Variants in EML1 observed in about 807,000 individuals in gnomAD.
The protein encoded by EML1 is EMAP like 1, also known as echinoderm microtubule-associated protein-like 1.
EML1 carries 27 observed loss-of-function variants against 110.4 expected under a neutral mutation model. The ratio of observed to expected loss-of-function variants is 0.24; its 90% CI spans 0.18 to 0.34. EML1 has a LOEUF of 0.34. Among genes scored for constraint, EML1 ranks in the 10% least tolerant of loss-of-function variants. EML1 has a pLI of 1.00. For synonymous variants in EML1, 344 were observed against 385.8 expected, an observed-to-expected ratio of 0.89 and a Z score of 1.27; for missense variants, 741 against 1,030.9, an observed-to-expected ratio of 0.72 and a Z score of 3.85.
intron 3 of EML1, among the ~76,000 whole-genome samples, chr14:99,875,943 C>T (rs2059283851): frequency 1.3e-5 from 2 of 152,208 alleles, no homozygotes; most frequent in South Asian, 4.1e-4. Context: ...CTGGCACTGT[C>T]CACTCAGGGG....
intron 4 of EML1, among the ~76,000 whole-genome samples, chr14:99,881,633 G>A (rs1216687238): frequency 3.5e-5 from 5 of 144,030 alleles, no homozygotes; most frequent in African/African-American, 1.3e-4. Context: ...ATGGAGTCTC[G>A]CTCTGTCACC....
intron 4 of EML1, among the ~76,000 whole-genome samples, chr14:99,890,958 T>C (rs2059577161): frequency 6.6e-6 from 1 of 152,216 alleles, no homozygotes; most frequent in Non-Finnish European, 1.5e-5. Context: ...CTTGCAGTCA[T>C]AAAAAGCACA....
intron 1 of EML1, 67 bp from the exon 2 acceptor site, chr14:99,850,786 A>AGG: frequency 6.5e-7 from 1 of 1,534,054 alleles, no homozygotes; most frequent in South Asian, 1.2e-5. Context: ...CATGCTAGAT[A>AGG]GAGTATGTTT....
intron 1 of EML1, among the ~76,000 whole-genome samples, chr14:99,739,183 C>A (rs1254688770): frequency 1.3e-5 from 2 of 149,964 alleles, no homozygotes; most frequent in Non-Finnish European, 3.0e-5. Context: ...ACAGAAGGGG[C>A]CTGACCTCAC....
chr14:99,907,142 G>A (rs1418951614), intron 9 of EML1: 3 of 153,362 alleles, frequency 2.0e-5, no homozygotes, highest in African/African-American at 7.2e-5. Context: ...TGCTCTTTCT[G>A]TCTGGTCAAG....
chr14:99,858,677 C>T (rs1284177726), intron 2 of EML1, among the ~76,000 whole-genome samples: 1 of 152,162 alleles, frequency 6.6e-6, no homozygotes, highest in Non-Finnish European at 1.5e-5. Flanking sequence ...TCAGAGGATA[C>T]GTGCACCTGT....
At position 99,819,777 on chromosome 14, in the gene EML1, C is replaced by G. The variant is rs556364961; in HGVS notation, c.67+26234C>G. On this transcript the variant is annotated intron_variant, in intron 1 of 21. Transcript: ENST00000262233. Reference sequence around the variant, plus strand: ...GCAACAGGAGCCCAGCCTCTCGCACCGAGCATCCCTCAGTGAAGCGCCCAG... The same window carrying G: ...GCAACAGGAGCCCAGCCTCTCGCACGGAGCATCCCTCAGTGAAGCGCCCAG... Among the ~76,000 whole-genome samples, 6 of 152,298 alleles carry G rather than the reference C, an allele frequency of 3.9e-5. No individual in the cohort carries two copies. The East Asian group carries it at 5.8e-4, about 15-fold the overall frequency.
chr14:99,875,060 T>C (rs2059267297), intron 3 of EML1: 1 of 1,463,258 alleles, frequency 6.8e-7, no homozygotes, highest in East Asian at 2.3e-5. Context: ...TTTAACGTAG[T>C]AGCTTCAAGG....
At chr14:99,771,076 G>T (rs572019905), upstream of EML1, among the ~76,000 whole-genome samples, 3 of 152,194 alleles carry the variant, frequency 2.0e-5, no homozygotes, top group South Asian at 4.2e-4. Flanking sequence ...GAGCCACCGC[G>T]CCCGGCCTCC....
upstream of EML1, chr14:99,792,853 G>A (rs1156347493): frequency 6.6e-6 from 1 of 152,324 alleles, no homozygotes; most frequent in Non-Finnish European, 1.5e-5. Flanking sequence ...AGAGGAACGC[G>A]CCGGTCGGAT....
rs565177759 is a variant in EML1, at chr14:99,851,217, G to T, written c.250+182G>T. ...TGATAGTATTTTGGGGCTTGATGTT[G>T]GTGAATTGTACAGCCCAGTGATGTA... is the stretch of plus-strand genomic sequence containing the variant. On this transcript the variant is annotated intron_variant, in intron 2 of 21. Coordinates refer to ENST00000262233, the MANE Select transcript of EML1 (RefSeq NM_004434.3). 4.6e-5 allele frequency among the ~76,000 whole-genome samples: 7 copies of T among 152,270 alleles called. No homozygotes were observed. In the East Asian group the frequency reaches 1.3e-3, roughly 29 times the overall value.
intron 6 of EML1, among the ~76,000 whole-genome samples, chr14:99,896,029 A>G (rs1243723147): frequency 6.6e-6 from 1 of 152,186 alleles, no homozygotes; most frequent in Admixed American, 6.5e-5. Context: ...CTTCCAGGGG[A>G]AAAAACAACT....
intron 4 of EML1, among the ~76,000 whole-genome samples, chr14:99,889,964 C>T (rs1182248235): frequency 6.6e-6 from 1 of 152,150 alleles, no homozygotes; most frequent in African/African-American, 2.4e-5. Context: ...TACCACCCCA[C>T]CCCATGTGCT....
At chr14:99,765,534 G>A (rs1334054294) in intron 1 of EML1, among the ~76,000 whole-genome samples, 3 of 152,012 alleles carry the variant, frequency 2.0e-5, no homozygotes, top group East Asian at 1.9e-4. Flanking sequence ...AGGTTCCTCC[G>A]TGTTGTAACG....
In EML1 at chr14:99,781,055, T is replaced by G. The variant is rs548195977; in HGVS notation, c.-27+7042T>G. On this transcript the variant is annotated intron_variant, in intron 1 of 22. Coordinates refer to the EML1 transcript ENST00000327921. This position sits in a 1 kb window ranked among gnomAD's most constrained non-coding sequence, Gnocchi z 4.2. ...CCTTCCTCTCCCGGGTGATGAAGCATCTCTCCTTCTTTCCAAGGACACGCG... is the reference window on the plus strand; with the variant it reads ...CCTTCCTCTCCCGGGTGATGAAGCAGCTCTCCTTCTTTCCAAGGACACGCG... Among the ~76,000 whole-genome samples, 1 of 152,108 alleles carries G rather than the reference T, an allele frequency of 6.6e-6. No individual in the cohort carries two copies. Among genetic ancestry groups the G allele is most frequent in the Non-Finnish European group, 1.5e-5 (1 of 68,026 alleles).
intron 1 of EML1, among the ~76,000 whole-genome samples, chr14:99,802,663 G>A (rs181916619): frequency 3.3e-4 from 50 of 152,192 alleles, no homozygotes; most frequent in Non-Finnish European, 5.7e-4. Flanking sequence ...TCCAGGCCAC[G>A]GGGGAGGTGG....
chr14:99,853,517 G>A (rs567884442), intron 2 of EML1, among the ~76,000 whole-genome samples: 64 of 152,276 alleles, frequency 4.2e-4, no homozygotes, highest in African/African-American at 1.4e-3. Context: ...CTTTAGAGCT[G>A]GCTCTCTGTG....
chr14:99,912,626 A>G (rs1454126790), intron 13 of EML1, among the ~76,000 whole-genome samples: 1 of 152,186 alleles, frequency 6.6e-6, no homozygotes, highest in Non-Finnish European at 1.5e-5. Flanking sequence ...ATTTCCCTTA[A>G]TAAAGGAAGA....
intron 1 of EML1, among the ~76,000 whole-genome samples, chr14:99,776,885 C>T (rs2057488595): frequency 6.6e-6 from 1 of 152,164 alleles, no homozygotes; most frequent in Non-Finnish European, 1.5e-5. Flanking sequence ...CATAGGAAAA[C>T]TTTAAATCAT....
Sources: allele counts gnomAD v4.1 joint callset (sites outside exome capture counted in the v4.1 genomes callset), GRCh38; gene constraint gnomAD v4.1.1; non-coding constraint Gnocchi (gnomAD v3.1); transcripts MANE v1.5; gene names NCBI Gene and HGNC (gene_info 2026-07-23, HGNC 2026-07-21).